The following CSMD1 variants were observed in gnomAD, a reference collection of about 807,000 sequenced individuals.
CSMD1 encodes the protein CUB and Sushi multiple domains 1.
In CSMD1, 213 loss-of-function variants were observed where a neutral mutation model predicts 417.5. That is an observed-to-expected ratio of 0.51 (90% CI 0.46 to 0.57). CSMD1 has a LOEUF of 0.57. Ranked by LOEUF, CSMD1 falls within the 20% of genes least tolerant of loss-of-function variation. The probability of loss-of-function intolerance (pLI) is 0.00; values close to 1 mark genes in which losing one functional copy is unlikely to be tolerated. For synonymous variants in CSMD1, 2,862 were observed against 1,736.8 expected, an observed-to-expected ratio of 1.65 and a Z score of -16.11; for missense variants, 6,923 against 4,529.7, an observed-to-expected ratio of 1.53 and a Z score of -15.17.
At chr8:3,575,874 T>A (rs1016130101) in intron 9 of CSMD1, among the ~76,000 whole-genome samples, 1 of 152,018 alleles carries the variant, frequency 6.6e-6, no homozygotes, top group African/African-American at 2.4e-5. Context: ...ATACACATAT[T>A]TTAGAAATAT....
chr8:4,437,875 G>C (rs544661378), intron 2 of CSMD1, among the ~76,000 whole-genome samples: 6 of 152,278 alleles, frequency 3.9e-5, no homozygotes, highest in South Asian at 4.1e-4. Context: ...CACTGGTGTA[G>C]AATTCAAGTG....
intron 10 of CSMD1, among the ~76,000 whole-genome samples, chr8:3,514,083 C>T (rs746142644): frequency 6.6e-6 from 1 of 152,152 alleles, no homozygotes; most frequent in East Asian, 1.9e-4. Flanking sequence ...TTTTTCAAAG[C>T]ATCACTCAAT....
chr8:4,975,380 C>G (rs1298146254), intron 1 of CSMD1, among the ~76,000 whole-genome samples: 5 of 152,174 alleles, frequency 3.3e-5, no homozygotes, highest in Non-Finnish European at 7.3e-5. Context: ...GCAAGTATTC[C>G]TTTTACTTCC....
At chr8:3,319,202 TTC>T (rs1554513607) in intron 23 of CSMD1, among the ~76,000 whole-genome samples, 1 of 152,204 alleles carries the variant, frequency 6.6e-6, no homozygotes, top group African/African-American at 2.4e-5. Flanking sequence ...ACTCACATAT[TTC>T]TGTTTTTAGC....
chr8:3,472,844 T>A (rs566051947), intron 11 of CSMD1, among the ~76,000 whole-genome samples: 1 of 152,002 alleles, frequency 6.6e-6, no homozygotes, highest in Admixed American at 6.6e-5. Context: ...TTTTTTTTTA[T>A]TCTTTTCATG....
intron 3 of CSMD1, among the ~76,000 whole-genome samples, chr8:4,363,457 T>A (rs975300360): frequency 6.6e-6 from 1 of 152,158 alleles, no homozygotes; most frequent in African/African-American, 2.4e-5. Context: ...TCTTTCCAGC[T>A]CTATCTTCCC....
At chr8:4,313,371 G>A (rs1174607530) in intron 3 of CSMD1, among the ~76,000 whole-genome samples, 1 of 151,980 alleles carries the variant, frequency 6.6e-6, no homozygotes, top group Non-Finnish European at 1.5e-5. Context: ...GTCACTATGC[G>A]TGACACACAC....
intron 7 of CSMD1, among the ~76,000 whole-genome samples, chr8:3,633,253 T>C (rs532683982): frequency 1.3e-5 from 2 of 152,222 alleles, no homozygotes; most frequent in African/African-American, 2.4e-5. Context: ...TAAATTACTC[T>C]GACACTGAGA....
At chr8:3,024,488 G>T (rs1809705463) in intron 51 of CSMD1, among the ~76,000 whole-genome samples, 1 of 152,080 alleles carries the variant, frequency 6.6e-6, no homozygotes, top group African/African-American at 2.4e-5. Flanking sequence ...GTATTTTTTA[G>T]TAGAGACAGG....
At chr8:4,214,398 A>G (rs890020844) in intron 3 of CSMD1, among the ~76,000 whole-genome samples, 1 of 152,136 alleles carries the variant, frequency 6.6e-6, no homozygotes, top group Non-Finnish European at 1.5e-5. Flanking sequence ...CCTGGATTCA[A>G]TCGATTCAAA....
chr8:3,241,091 AC>A (rs1193687484), intron 26 of CSMD1, among the ~76,000 whole-genome samples: 4 of 151,096 alleles, frequency 2.6e-5, no homozygotes, highest in African/African-American at 9.7e-5. Flanking sequence ...GGAGGACGCA[AC>A]GGAGGCTTTG....
chr8:3,005,674 A>G (rs1807828224), intron 52 of CSMD1, among the ~76,000 whole-genome samples: 1 of 152,224 alleles, frequency 6.6e-6, no homozygotes, highest in Non-Finnish European at 1.5e-5. Flanking sequence ...CAAAAACCAC[A>G]TGATTATCTC....
chr8:4,465,525 C>A (rs1303800443), intron 2 of CSMD1, among the ~76,000 whole-genome samples: 2 of 152,136 alleles, frequency 1.3e-5, no homozygotes, highest in African/African-American at 4.8e-5. Flanking sequence ...GATATGGAAG[C>A]ACATACAACT....
At chr8:2,942,342 T>TAAA in intron 69 of CSMD1, 130 bp downstream of exon 69, 7 of 710,352 alleles carry the variant, frequency 9.9e-6, no homozygotes, top group African/African-American at 1.9e-5. Flanking sequence ...AAAGTTGATT[T>TAAA]AAAAAAAAAA....
intron 9 of CSMD1, among the ~76,000 whole-genome samples, chr8:3,579,279 TAATC>T: frequency 6.6e-6 from 1 of 152,336 alleles, no homozygotes; most frequent in East Asian, 1.9e-4. Context: ...TTTATCCACT[TAATC>T]AATGAATATT....
At chr8:3,841,717 AACT>A (rs1230655632) in intron 5 of CSMD1, among the ~76,000 whole-genome samples, 1 of 152,164 alleles carries the variant, frequency 6.6e-6, no homozygotes, top group Non-Finnish European at 1.5e-5. Flanking sequence ...ATAATATCAA[AACT>A]ACAATAGTTC....
rs917795881 is a variant in CSMD1 at position 4,050,158 on chromosome 8, G to A, written c.416-18059C>T. On this transcript the variant is annotated intron_variant, in intron 3 of 69. Coordinates refer to ENST00000635120, the MANE Select transcript of CSMD1 (RefSeq NM_033225.6). ...TCTCGTCGCAGCATGCCAGGGACAC[G>A]CATCATCAGTGGGACTTCCACTCTG... Among the ~76,000 whole-genome samples the A allele has an allele frequency of 2.6e-5, 4 of 152,218 alleles. No homozygotes were observed. In the South Asian group the frequency reaches 6.2e-4, roughly 24 times the overall value.
chr8:3,859,367 T>C (rs1480012786), intron 5 of CSMD1, among the ~76,000 whole-genome samples: 1 of 152,228 alleles, frequency 6.6e-6, no homozygotes, highest in Non-Finnish European at 1.5e-5. Flanking sequence ...GGTCCAGAAA[T>C]ACTTCTTTTT....
At chr8:4,915,037 C>G (rs113564364) in intron 1 of CSMD1, among the ~76,000 whole-genome samples, 1 of 152,032 alleles carries the variant, frequency 6.6e-6, no homozygotes, top group African/African-American at 2.4e-5. Context: ...AGAAACTGCA[C>G]GTGTGGAGGG....
Sources: gnomAD v4.1 joint callset for allele counts (sites outside exome capture counted in the v4.1 genomes callset) on GRCh38, gnomAD v4.1.1 for gene constraint, MANE v1.5 for transcripts, NCBI Gene and HGNC (gene_info 2026-07-23, HGNC 2026-07-21) for gene names.